The following TBC1D19 variants were observed in gnomAD, a reference collection of about 807,000 sequenced individuals.
TBC1D19 encodes the protein TBC1 domain family member 19.
Under a neutral mutation model 89.0 loss-of-function variants are expected in TBC1D19, and 60 were observed. The ratio of observed to expected loss-of-function variants is 0.67; its 90% CI spans 0.55 to 0.84. The LOEUF is 0.84. TBC1D19 is among the 40% of genes least tolerant of loss of function. The pLI is 0.00. For missense variants in TBC1D19, 500 were observed against 610.8 expected (o/e 0.82, Z 1.91); for synonymous variants, 189 against 199.7 (o/e 0.95, Z 0.45).
chr4:26,821,188 C>T, the TBC1D19 span, among the ~76,000 whole-genome samples: 3 of 152,164 alleles, frequency 2.0e-5, no homozygotes, highest in African/African-American at 7.2e-5. Context: ...GGTCTCACCC[C>T]ACATCTTAGC....
chr4:26,598,831 A>G (rs260950), intron 1 of TBC1D19, among the ~76,000 whole-genome samples: 57,519 of 152,048 alleles, frequency 0.38, 11,902 homozygotes, highest in Non-Finnish European at 0.47. Flanking sequence ...GAATCTGTAC[A>G]TATAACATCA....
Position 26,688,371 on chromosome 4 carries a change from T to C in TBC1D19, c.918T>C (p.Asp306=). ...YKDVKLTASN[D]DYYFVFEDYL... ...ATGTGAAGTTGACAGCAAGCAATGA[T>C]GATTATTATTTTGTATTTGAAGATT... Residue 306 remains aspartate, a synonymous_variant, in exon 13 of 21, where the codon GAT becomes GAC. Coordinates refer to ENST00000264866, the MANE Select transcript of TBC1D19 (RefSeq NM_018317.4). 1 of 1,569,782 alleles carries C rather than the reference T, an allele frequency of 6.4e-7. No individual in the cohort carries two copies. The highest frequency in any genetic ancestry group is 1.1e-5 in the South Asian group (1 of 88,246).
chr4:26,828,184 C>T, the TBC1D19 span, among the ~76,000 whole-genome samples: 1 of 152,166 alleles, frequency 6.6e-6, no homozygotes, highest in African/African-American at 2.4e-5. Context: ...TGAGTTTGAA[C>T]ACAAGGGATG....
At chr4:26,626,818 C>CT (rs71186420) in intron 4 of TBC1D19, among the ~76,000 whole-genome samples, 55,626 of 147,034 alleles carry the variant, frequency 0.38, 11,531 homozygotes, top group Non-Finnish European at 0.47. Context: ...AGCTCAAATT[C>CT]TTTTTTTTAT....
chr4:26,679,188 C>A (rs373845657), intron 11 of TBC1D19, among the ~76,000 whole-genome samples: 2 of 152,248 alleles, frequency 1.3e-5, no homozygotes, highest in South Asian at 2.1e-4. Flanking sequence ...GACAGCAGCC[C>A]CTCCCATCAC....
At chr4:26,835,787 C>A in the TBC1D19 span, among the ~76,000 whole-genome samples, 2 of 152,170 alleles carry the variant, frequency 1.3e-5, no homozygotes, top group African/African-American at 2.4e-5. Context: ...CTACTATAAA[C>A]CTTCAATGGC....
chr4:26,660,822 G>A (rs1332932775), intron 8 of TBC1D19, among the ~76,000 whole-genome samples: 2 of 152,140 alleles, frequency 1.3e-5, no homozygotes, highest in Non-Finnish European at 2.9e-5. Context: ...AGGGCCAGGG[G>A]ACCCTTTTCT....
chr4:26,842,205 A>C, the TBC1D19 span, among the ~76,000 whole-genome samples: 4 of 151,802 alleles, frequency 2.6e-5, no homozygotes, highest in Non-Finnish European at 5.9e-5. Flanking sequence ...TGGATTCTGC[A>C]TCTCCTCTCC....
chr4:26,851,308 T>TCTATCTATCTATCTATCTGTCTGTCTAC, the TBC1D19 span, among the ~76,000 whole-genome samples: 1 of 63,372 alleles, frequency 1.6e-5, no homozygotes, highest in Non-Finnish European at 4.0e-5. Flanking sequence ...AAATACCCTA[T>TCTATCTATCTATCTATCTGTCTGTCTAC]CTATCTATCT....
chr4:26,790,475 G>A, the TBC1D19 span, among the ~76,000 whole-genome samples: 1 of 152,188 alleles, frequency 6.6e-6, no homozygotes. Flanking sequence ...TATGTGACTG[G>A]AACTAGAATA....
At chr4:26,819,985 C>G in the TBC1D19 span, among the ~76,000 whole-genome samples, 1 of 152,188 alleles carries the variant, frequency 6.6e-6, no homozygotes, top group Non-Finnish European at 1.5e-5. Context: ...CTCAGTGAGG[C>G]CTTCCCATTC....
chr4:26,778,175 G>A, the TBC1D19 span, among the ~76,000 whole-genome samples: 1 of 152,058 alleles, frequency 6.6e-6, no homozygotes, highest in African/African-American at 2.4e-5. Flanking sequence ...CAGCACTTTG[G>A]GAGGCCGAGG....
chr4:26,792,865 T>G, the TBC1D19 span, among the ~76,000 whole-genome samples: 1 of 152,208 alleles, frequency 6.6e-6, no homozygotes, highest in Non-Finnish European at 1.5e-5. Flanking sequence ...CTTCCTGTCC[T>G]CCTTCCTCTA....
At chr4:26,805,092 C>G in the TBC1D19 span, among the ~76,000 whole-genome samples, 1 of 152,186 alleles carries the variant, frequency 6.6e-6, no homozygotes, top group Non-Finnish European at 1.5e-5. Context: ...AGACTTTGAG[C>G]AAATTACCCA....
Position 26,755,937 on chromosome 4 carries a change from G to A in TBC1D19, c.*990G>A, listed in dbSNP as rs1719241562. On this transcript the variant is annotated 3_prime_UTR_variant, in exon 21 of 21. Coordinates refer to ENST00000264866, the MANE Select transcript of TBC1D19 (RefSeq NM_018317.4). ...TACTTCCTAAAGACCTACCATTTCT[G>A]TAATATGGAATAATAGTATGTGGGG... 4.6e-5 allele frequency among the ~76,000 whole-genome samples: 7 copies of A among 152,158 alleles called. No individual in the cohort carries two copies. Among genetic ancestry groups the A allele is most frequent in the Admixed American group, 1.3e-4 (2 of 15,280 alleles).
chr4:26,738,129 G>C (rs1718151151), intron 16 of TBC1D19, among the ~76,000 whole-genome samples: 1 of 151,388 alleles, frequency 6.6e-6, no homozygotes. Context: ...ATCTATAATG[G>C]ACTAAAGCTT....
In TBC1D19 at chr4:26,640,049, TATG is replaced by T. The variant is rs1743394080; in HGVS notation, c.434-89_434-87del. ...AGAAATGTTTGAATTAATCTATCTGTATGATAACATGTGAAAGAATGATTAACA... is the reference window on the plus strand; with the variant it reads ...AGAAATGTTTGAATTAATCTATCTGTATAACATGTGAAAGAATGATTAACA... On this transcript the variant is annotated intron_variant, in intron 6 of 20. Transcript: ENST00000264866. 3.4e-6 allele frequency: 3 copies of T among 875,806 alleles called. No individual in the cohort carries two copies. The South Asian group carries it at 4.7e-5, about 14-fold the overall frequency. The allele number at this position is 875,806 out of a possible 1,614,324, so 54.3% of individuals were successfully genotyped here. A position where few individuals can be genotyped will look rare whatever the true frequency, so the allele number is the denominator to read the frequency against.
chr4:26,805,186 G>A, the TBC1D19 span, among the ~76,000 whole-genome samples: 36 of 152,322 alleles, frequency 2.4e-4, no homozygotes, highest in African/African-American at 8.4e-4. Flanking sequence ...GATTAAAAAA[G>A]TCCATAAAGG....
chr4:26,742,575 A>G lies in TBC1D19; in HGVS notation c.1295A>G (p.His432Arg). 6.2e-7 allele frequency: 1 copy of G among 1,612,138 alleles called. No homozygotes were observed. Among genetic ancestry groups the G allele is most frequent in the South Asian group, 1.1e-5 (1 of 90,770 alleles). The change falls in exon 18 of 21, where the codon CAT becomes CGT. Residue 432 changes from histidine to arginine, a missense_variant. Coordinates refer to ENST00000264866, the MANE Select transcript of TBC1D19 (RefSeq NM_018317.4). The part of the protein sequence containing the change: ...LQTYLPQLFY[H>R]LREIGAQPLR... Reference sequence around the variant, plus strand: ...ACTTATCTTCCCCAACTCTTTTATCATCTACGAGAAATTGGGGCTCAACCG... The same window carrying G: ...ACTTATCTTCCCCAACTCTTTTATCGTCTACGAGAAATTGGGGCTCAACCG...
Sources: gnomAD v4.1 joint callset for allele counts (sites outside exome capture counted in the v4.1 genomes callset) on GRCh38, gnomAD v4.1.1 for gene constraint, MANE v1.5 for transcripts, NCBI Gene and HGNC (gene_info 2026-07-23, HGNC 2026-07-21) for gene names.